Variants in TTC7A observed in about 807,000 individuals in gnomAD.
TTC7A encodes tetratricopeptide repeat domain 7A.
A neutral mutation model predicts 103.7 loss-of-function variants in TTC7A; 110 were observed. The observed-to-expected ratio is 1.06, with a 90% CI of 0.91 to 1.24. The LOEUF is 1.24. TTC7A is among the 50% of genes most tolerant of loss of function. The pLI, the probability that TTC7A is intolerant of heterozygous loss-of-function variation, is 0.00. For synonymous variants in TTC7A, 521 were observed against 467.9 expected, an observed-to-expected ratio of 1.11 and a Z score of -1.47; for missense variants, 1,340 against 1,116.3, an observed-to-expected ratio of 1.20 and a Z score of -2.86.
upstream of TTC7A, among the ~76,000 whole-genome samples, chr2:46,936,621 C>A (rs1218681306): frequency 2.6e-5 from 4 of 152,110 alleles, no homozygotes; most frequent in African/African-American, 9.7e-5. Flanking sequence ...CTTCCTCGGG[C>A]CAGACTTCTG....
chr2:46,933,762 C>T (rs1669828735), intron 2 of TTC7A, among the ~76,000 whole-genome samples: 1 of 152,202 alleles, frequency 6.6e-6, no homozygotes, highest in Non-Finnish European at 1.5e-5. Flanking sequence ...GCTGAAATGA[C>T]TGTTGATCAT....
chr2:46,957,720 C>T (rs550469176), intron 3 of TTC7A, among the ~76,000 whole-genome samples: 1 of 152,186 alleles, frequency 6.6e-6, no homozygotes, highest in Admixed American at 6.5e-5. Flanking sequence ...TTAAAGTCAT[C>T]CTACCCCAAA....
intron 19 of TTC7A, chr2:47,065,827 A>G (rs1321277296): frequency 1.5e-5 from 1 of 64,560 alleles, no homozygotes; most frequent in Non-Finnish European, 4.6e-5. Context: ...CTGCACTGCA[A>G]GAGACAACTT....
At position 47,051,874 on chromosome 2, in the gene TTC7A, C is replaced by A. The variant is rs762685822; in HGVS notation, c.2146C>A (p.Gln716Lys). 1.2e-6 allele frequency: 2 copies of A among 1,608,686 alleles called. No homozygotes were observed. The highest frequency in any genetic ancestry group is 2.2e-5 in the South Asian group (2 of 90,522). Residue 716 changes from glutamine (Q) to lysine (K), a missense_variant, in exon 18 of 20, where the codon CAG becomes AAG. Gln to Lys is a moderately conservative substitution (Grantham distance 53). Transcript: ENST00000319190. ...GACCACGCTGGAACAGATCTGGCTG[C>A]AGGCTGGTGAGTGCCCTGGTCCCAG... ...LWTTLEQIWL[Q>K]AAELFMEQQH...
upstream of TTC7A, among the ~76,000 whole-genome samples, chr2:46,938,402 A>G (rs761208160): frequency 2.6e-4 from 39 of 152,128 alleles, 1 homozygote; most frequent in South Asian, 5.6e-3. Flanking sequence ...CCTCAACACA[A>G]CTTCCCTTTG....
rs1023666481 is a variant in TTC7A, at chr2:46,956,931, C to T, written c.441C>T (p.Ala147=). The change falls in exon 3 of 20, where the codon GCC becomes GCT. Residue 147 remains alanine, a synonymous_variant. Coordinates refer to ENST00000319190, the MANE Select transcript of TTC7A (RefSeq NM_020458.4). ...YRDAISMYAR[A]GIDDMSMENK... ...ATGCCATCAGCATGTACGCACGGGC[C>T]GGGATTGATGACATGTCCATGGAGA... 1.2e-5 allele frequency: 19 copies of T among 1,614,072 alleles called. No individual in the cohort carries two copies. The highest frequency in any genetic ancestry group is 1.5e-5 in the Non-Finnish European group (18 of 1,180,032).
chr2:47,006,610 T>C lies in TTC7A; in HGVS notation c.1204-31T>C, dbSNP rs13424540. On this transcript the variant is annotated intron_variant, in intron 9 of 19. Transcript: ENST00000319190. ...ATGGCTGGGGTGGGAGGACCCCTGGTGGGTAAATGCTGACTATCTCCCCTC... is the reference window on the plus strand; with the variant it reads ...ATGGCTGGGGTGGGAGGACCCCTGGCGGGTAAATGCTGACTATCTCCCCTC... The C allele has an allele frequency of 0.13, 209,962 of 1,588,918 alleles. 15,678 individuals are homozygous for C. The highest frequency in any genetic ancestry group is 0.31 in the African/African-American group (23,024 of 74,494).
intron 15 of TTC7A, among the ~76,000 whole-genome samples, chr2:47,038,777 G>A (rs1379840006): frequency 2.6e-5 from 4 of 151,360 alleles, no homozygotes; most frequent in African/African-American, 7.3e-5. Context: ...TTTCAGGAAC[G>A]CCCTGCAGCT....
chr2:46,999,946 C>G (rs1318517890), intron 8 of TTC7A: 1 of 968,308 alleles, frequency 1.0e-6, no homozygotes, highest in Non-Finnish European at 1.2e-6. Context: ...GTGCCATGCC[C>G]AATGCTGGGC....
In TTC7A at chr2:46,941,610, G is replaced by A; in HGVS notation, c.69G>A (p.Glu23=). The A allele has an allele frequency of 6.4e-7, 1 of 1,556,546 alleles. No individual in the cohort carries two copies. The highest frequency in any genetic ancestry group is 8.7e-7 in the Non-Finnish European group (1 of 1,150,688). Residue 23 remains glutamate, a synonymous_variant, in exon 1 of 20, where the codon GAG becomes GAA. Coordinates refer to ENST00000319190, the MANE Select transcript of TTC7A (RefSeq NM_020458.4). This position sits in a 1 kb window ranked among gnomAD's most constrained non-coding sequence, Gnocchi z 4.2. ...GCGAGCTGGAGCGCTGCCGCGCCGA[G>A]GGCCACTGGGACCGCATGCCGGAGC... ...VESELERCRA[E]GHWDRMPELV... is the part of the protein sequence containing the mutation.
chr2:47,006,055 C>G lies in TTC7A; in HGVS notation c.1199C>G (p.Ser400Trp). 1 of 1,613,046 alleles carries G rather than the reference C, an allele frequency of 6.2e-7. No individual in the cohort carries two copies. The highest frequency in any genetic ancestry group is 8.5e-7 in the Non-Finnish European group (1 of 1,179,734). ...AGAAGGGGACAGTACGTCATGCTCTCGGAGGTACGGCCGGCCATGCAGCCC... is the reference window on the plus strand; with the variant it reads ...AGAAGGGGACAGTACGTCATGCTCTGGGAGGTACGGCCGGCCATGCAGCCC... ...LGRRGQYVML[S>W]ECLERAMKFA... The change falls in exon 9 of 20, where the codon TCG (serine) becomes TGG (tryptophan). Residue 400 changes from serine (S) to tryptophan (W), a missense_variant. Transcript: ENST00000319190.
chr2:46,972,827 A>G (rs1350742348), intron 3 of TTC7A, among the ~76,000 whole-genome samples: 2 of 152,232 alleles, frequency 1.3e-5, no homozygotes, highest in African/African-American at 2.4e-5. Flanking sequence ...TGGTTGTCCA[A>G]AAAGGTTCAC....
At chr2:46,984,350 G>T in intron 5 of TTC7A, among the ~76,000 whole-genome samples, 1 of 152,324 alleles carries the variant, frequency 6.6e-6, no homozygotes, top group East Asian at 1.9e-4. Flanking sequence ...AGGAAGTAAG[G>T]GTGAGGCCCT....
intron 18 of TTC7A, among the ~76,000 whole-genome samples, chr2:47,056,132 G>A (rs1274415429): frequency 6.6e-6 from 1 of 152,154 alleles, no homozygotes; most frequent in Non-Finnish European, 1.5e-5. Flanking sequence ...GAACTCCCTG[G>A]AGACCTTTGG....
At chr2:46,951,662 C>T (rs1018833107) in intron 2 of TTC7A, 1 of 456,330 alleles carries the variant, frequency 2.2e-6, no homozygotes, top group Non-Finnish European at 4.4e-6. Context: ...CCTCCTACTT[C>T]AGCCTCCCGA....
At position 46,978,776 on chromosome 2, in the gene TTC7A, C is replaced by A; in HGVS notation, c.649-16C>A. ...GAACTTTGAGACAATGGCTCTCTCT[C>A]TGTTTCCCTTCCCAGACCACAAATA... On this transcript the variant is annotated splice_polypyrimidine_tract_variant and intron_variant, in intron 4 of 19. Transcript: ENST00000319190. 6.2e-7 allele frequency: 1 copy of A among 1,609,140 alleles called. No individual in the cohort carries two copies. The highest frequency in any genetic ancestry group is 8.5e-7 in the Non-Finnish European group (1 of 1,175,688).
chr2:46,983,761 T>C (rs1474244222), intron 5 of TTC7A, among the ~76,000 whole-genome samples: 5 of 152,198 alleles, frequency 3.3e-5, no homozygotes, highest in Non-Finnish European at 5.9e-5. Context: ...TTTGGGACCT[T>C]ATGGGAAAGT....
intron 2 of TTC7A, among the ~76,000 whole-genome samples, chr2:46,954,028 G>T (rs1406234963): frequency 6.6e-6 from 1 of 152,064 alleles, no homozygotes; most frequent in African/African-American, 2.4e-5. Flanking sequence ...TACAGCCCAT[G>T]CTCTAATGCT....
At chr2:47,057,192 G>A (rs1313145340) in intron 18 of TTC7A, among the ~76,000 whole-genome samples, 1 of 152,216 alleles carries the variant, frequency 6.6e-6, no homozygotes, top group African/African-American at 2.4e-5. Flanking sequence ...CAGACCTTTG[G>A]GCCTGTGTGC....
Sources: gnomAD v4.1 joint callset for allele counts (sites outside exome capture counted in the v4.1 genomes callset) on GRCh38, gnomAD v4.1.1 for gene constraint, Gnocchi (gnomAD v3.1) non-coding constraint, MANE v1.5 for transcripts, NCBI Gene and HGNC (gene_info 2026-07-23, HGNC 2026-07-21) for gene names.